EIF4G3: variants seen among roughly 807,000 people sequenced by gnomAD.
The protein encoded by EIF4G3 is eukaryotic translation initiation factor 4 gamma 3, also known as eIF-4-gamma 3.
In EIF4G3, 34 loss-of-function variants were observed where a neutral mutation model predicts 186.4. That is an observed-to-expected ratio of 0.18 (90% CI 0.14 to 0.24). EIF4G3 has a LOEUF of 0.24. Ranked by LOEUF, EIF4G3 falls within the 10% of genes least tolerant of loss-of-function variation. The pLI, the probability that EIF4G3 is intolerant of heterozygous loss-of-function variation, is 1.00. For missense variants in EIF4G3, 1,536 were observed against 1,948.5 expected (o/e 0.79, Z 3.99); for synonymous variants, 673 against 679.5 (o/e 0.99, Z 0.15).
chr1:21,073,132 C>G (rs2095490223), intron 3 of EIF4G3, among the ~76,000 whole-genome samples: 1 of 152,168 alleles, frequency 6.6e-6, no homozygotes, highest in African/African-American at 2.4e-5. Flanking sequence ...AACCTATAAA[C>G]TCCAATTCAT....
rs190983609 is a variant in EIF4G3 at position 20,877,070 on chromosome 1, C to T, written c.2622+2253G>A. On this transcript the variant is annotated intron_variant, in intron 20 of 36. Coordinates refer to ENST00000602326, the MANE Select transcript of EIF4G3 (RefSeq NM_001391906.1). ...GTCTATAATTTCTTCATATTCCAAT[C>T]CAATTTGTACTTATTGCCAGATCAT... Among the ~76,000 whole-genome samples, 354 of 152,290 alleles carry T rather than the reference C, an allele frequency of 2.3e-3. 1 individual carries two copies. Among genetic ancestry groups the T allele is most frequent in the Admixed American group, 6.3e-3 (97 of 15,298 alleles).
intron 29 of EIF4G3, among the ~76,000 whole-genome samples, chr1:20,843,972 C>A (rs2069699897): frequency 6.6e-6 from 1 of 152,160 alleles, no homozygotes; most frequent in South Asian, 2.1e-4. Flanking sequence ...CATGTCCCTG[C>A]AAAGGAAAGG....
intron 2 of EIF4G3, among the ~76,000 whole-genome samples, chr1:21,127,730 A>C (rs1264502767): frequency 2.0e-4 from 30 of 152,170 alleles, no homozygotes; most frequent in Admixed American, 1.9e-3. Context: ...AAATTATCTC[A>C]GCTCCCCCAG....
intron 2 of EIF4G3, among the ~76,000 whole-genome samples, chr1:21,136,240 T>TG (rs1455746903): frequency 3.8e-5 from 5 of 132,054 alleles, no homozygotes; most frequent in African/African-American, 1.4e-4. Context: ...AAGAACAGGC[T>TG]GGGCATGGTG....
At chr1:21,099,872 G>A (rs1397186473) in intron 2 of EIF4G3, among the ~76,000 whole-genome samples, 1 of 152,010 alleles carries the variant, frequency 6.6e-6, no homozygotes, top group East Asian at 1.9e-4. Context: ...TCCTAGGCAC[G>A]TATTCAACAG....
chr1:21,117,736 T>TAA (rs71014156), intron 2 of EIF4G3, among the ~76,000 whole-genome samples: 884 of 73,068 alleles, frequency 0.012, 13 homozygotes, highest in Non-Finnish European at 0.016. Flanking sequence ...CAGTATATAG[T>TAA]AAAAAAAAAA....
chr1:20,829,070 A>T, intron 31 of EIF4G3, 77 bp downstream of exon 31: 4 of 1,498,950 alleles, frequency 2.7e-6, no homozygotes, highest in Non-Finnish European at 3.7e-6. Flanking sequence ...ATGGGACAGT[A>T]CTATGATAGA....
Position 20,810,665 on chromosome 1 carries a change from A to T in EIF4G3, c.4744+73T>A. The T allele has an allele frequency of 6.6e-7, 1 of 1,523,910 alleles. No homozygotes were observed. The highest frequency in any genetic ancestry group is 9.0e-7 in the Non-Finnish European group (1 of 1,106,042). The allele number at this position is 1,523,910 out of a possible 1,614,324, so 94.4% of individuals were successfully genotyped here. On this transcript the variant is annotated intron_variant, in intron 36 of 36. Coordinates refer to ENST00000602326, the MANE Select transcript of EIF4G3 (RefSeq NM_001391906.1). This position sits in a 1 kb window ranked among gnomAD's most constrained non-coding sequence, Gnocchi z 4.1. ...TTTATTGTCCTTTGTTCGAACCCTAAATCATCTCTAAGTCCTGGCTTGGAT... is the reference window on the plus strand; with the variant it reads ...TTTATTGTCCTTTGTTCGAACCCTATATCATCTCTAAGTCCTGGCTTGGAT...
At position 20,981,993 on chromosome 1, in the gene EIF4G3, A is replaced by T. The variant is rs117134504; in HGVS notation, c.198+395T>A. Among the ~76,000 whole-genome samples the T allele has an allele frequency of 2.2e-3, 336 of 152,340 alleles. 11 individuals carry two copies. The East Asian group carries it at 0.06, about 27-fold the overall frequency. On this transcript the variant is annotated intron_variant, in intron 8 of 36. Coordinates refer to ENST00000602326, the MANE Select transcript of EIF4G3 (RefSeq NM_001391906.1). ...AATTTATAAAATACTTAGAAGAACA[A>T]GGAATCTCTTTGATCATAAAATATT...
At chr1:21,087,399 G>C (rs2096022969) in intron 3 of EIF4G3, among the ~76,000 whole-genome samples, 1 of 152,118 alleles carries the variant, frequency 6.6e-6, no homozygotes, top group African/African-American at 2.4e-5. Flanking sequence ...AAGGTGGGTG[G>C]ATCACTTGAG....
intron 3 of EIF4G3, among the ~76,000 whole-genome samples, chr1:21,076,840 T>C (rs2095604086): frequency 6.6e-6 from 1 of 151,976 alleles, no homozygotes; most frequent in African/African-American, 2.4e-5. Flanking sequence ...ATGAAACGAA[T>C]ACAAGAAAAC....
chr1:21,141,792 G>A lies in EIF4G3; in HGVS notation c.-272+34383C>T, dbSNP rs188338460. Among the ~76,000 whole-genome samples the A allele has an allele frequency of 2.3e-3, 351 of 152,090 alleles. 3 individuals carry two copies. The highest frequency in any genetic ancestry group is 1.8e-3 in the Non-Finnish European group (120 of 68,000). ...AAAAATTTTTATAACTTAGTCAGCCGTGGTAGTGTGGGCCTGTAGTCCCAG... is the reference window on the plus strand; with the variant it reads ...AAAAATTTTTATAACTTAGTCAGCCATGGTAGTGTGGGCCTGTAGTCCCAG... On this transcript the variant is annotated intron_variant, in intron 2 of 36. Coordinates refer to ENST00000602326, the MANE Select transcript of EIF4G3 (RefSeq NM_001391906.1).
chr1:20,839,909 CAAAAAAA>C (rs58331252), intron 30 of EIF4G3, among the ~76,000 whole-genome samples: 15 of 128,500 alleles, frequency 1.2e-4, no homozygotes, highest in African/African-American at 2.1e-4. Context: ...ATGAGCTTGG[CAAAAAAA>C]AAAAAAAAAG....
rs916924003 is a variant in EIF4G3 at position 20,817,261 on chromosome 1, TAAAA to T, written c.4515+127_4515+130del. ...CAATTAAAAAAAAAAAATAAATAAA[TAAAA>T]AAATAAATAAATAAAAAAAAATAAA... On this transcript the variant is annotated intron_variant, in intron 34 of 36. Transcript: ENST00000602326. 646 of 298,284 alleles carry T rather than the reference TAAAA, an allele frequency of 2.2e-3. 5 individuals are homozygous for T. The highest frequency in any genetic ancestry group is 0.017 in the African/African-American group (553 of 32,954). The allele number at this position is 298,284 out of a possible 1,614,324, so 18.5% of individuals were successfully genotyped here. A position where few individuals can be genotyped will look rare whatever the true frequency, so the allele number is the denominator to read the frequency against.
At chr1:20,866,756 A>G (rs2077644085) in intron 20 of EIF4G3, among the ~76,000 whole-genome samples, 2 of 152,214 alleles carry the variant, frequency 1.3e-5, no homozygotes, top group Admixed American at 1.3e-4. Flanking sequence ...CACCAACATG[A>G]CATTAGATTT....
intron 4 of EIF4G3, among the ~76,000 whole-genome samples, chr1:21,007,733 G>C (rs1244264691): frequency 6.6e-6 from 1 of 151,696 alleles, no homozygotes; most frequent in Admixed American, 6.6e-5. Context: ...AAAAGACTCT[G>C]TCTTAACTTT....
intron 30 of EIF4G3, among the ~76,000 whole-genome samples, chr1:20,834,104 G>C (rs931988366): frequency 1.3e-5 from 2 of 152,130 alleles, no homozygotes; most frequent in Non-Finnish European, 2.9e-5. Context: ...TATGTCACAT[G>C]TAAATGGATT....
chr1:20,882,277 A>ATC (rs1366295084), intron 19 of EIF4G3, among the ~76,000 whole-genome samples: 1 of 152,048 alleles, frequency 6.6e-6, no homozygotes, highest in Non-Finnish European at 1.5e-5. Context: ...TTGGGAGGCC[A>ATC]AGGCAGGAGG....
intron 12 of EIF4G3, among the ~76,000 whole-genome samples, chr1:20,961,377 G>A (rs189559026): frequency 2.1e-4 from 32 of 152,134 alleles, no homozygotes; most frequent in South Asian, 6.2e-4. Context: ...GCAAGACTCC[G>A]TCTCAAAAAA....
Sources: gnomAD v4.1 joint callset for allele counts (sites outside exome capture counted in the v4.1 genomes callset) on GRCh38, gnomAD v4.1.1 for gene constraint, Gnocchi (gnomAD v3.1) non-coding constraint, MANE v1.5 for transcripts, NCBI Gene and HGNC (gene_info 2026-07-23, HGNC 2026-07-21) for gene names.